FLYWCH2: variants seen among roughly 807,000 people sequenced by gnomAD.
FLYWCH2 encodes the protein FLYWCH family member 2.
Under a neutral mutation model 6.0 loss-of-function variants are expected in FLYWCH2, and 2 were observed. That is an observed-to-expected ratio of 0.33 (90% CI 0.14 to 1.04). The LOEUF is 1.04. Ranked by LOEUF, FLYWCH2 falls within the 50% of genes least tolerant of loss-of-function variation. The probability of loss-of-function intolerance (pLI) is 0.45; values close to 1 mark genes in which losing one functional copy is unlikely to be tolerated. For synonymous variants in FLYWCH2, 87 were observed against 79.3 expected (o/e 1.10, Z -0.52); for missense variants, 192 against 183.4 (o/e 1.05, Z -0.27).
intron 1 of FLYWCH2, among the ~76,000 whole-genome samples, chr16:2,894,288 T>C (rs1477327314): frequency 6.6e-6 from 1 of 152,132 alleles, no homozygotes; most frequent in Non-Finnish European, 1.5e-5. Context: ...CTGGGAGCGC[T>C]GCAGTGGCAG....
intron 1 of FLYWCH2, among the ~76,000 whole-genome samples, chr16:2,886,819 C>A (rs2069704218): frequency 6.6e-6 from 1 of 152,096 alleles, no homozygotes; most frequent in Non-Finnish European, 1.5e-5. Context: ...CCATGCCCAG[C>A]CGCCCATTTT....
chr16:2,884,565 A>AAAAAAAAAAAAAC (rs1555476294), intron 1 of FLYWCH2, among the ~76,000 whole-genome samples: 7 of 144,836 alleles, frequency 4.8e-5, no homozygotes, highest in African/African-American at 7.7e-5. Context: ...TACTAAAAAA[A>AAAAAAAAAAAAAC]AAAAAAAAAA....
chr16:2,885,381 T>G (rs190782208), intron 1 of FLYWCH2, among the ~76,000 whole-genome samples: 3 of 152,138 alleles, frequency 2.0e-5, no homozygotes, highest in Non-Finnish European at 4.4e-5. Context: ...ATCACAAAGT[T>G]GTGCAACCCT....
intron 1 of FLYWCH2, among the ~76,000 whole-genome samples, chr16:2,885,377 A>G (rs1234737585): frequency 6.6e-6 from 1 of 152,174 alleles, no homozygotes; most frequent in Non-Finnish European, 1.5e-5. Flanking sequence ...TGTGATCACA[A>G]AGTTGTGCAA....
intron 1 of FLYWCH2, among the ~76,000 whole-genome samples, chr16:2,892,259 C>G (rs1267679183): frequency 6.6e-6 from 1 of 151,716 alleles, no homozygotes; most frequent in Non-Finnish European, 1.5e-5. Context: ...CTTTGGGAGG[C>G]TGAGGCGGGT....
At chr16:2,887,313 C>CTTTTTTTTTTTTTTTTT (rs71158114) in intron 1 of FLYWCH2, among the ~76,000 whole-genome samples, 1 of 72,538 alleles carries the variant, frequency 1.4e-5, no homozygotes, top group African/African-American at 4.8e-5. Context: ...GCCCGGCTTT[C>CTTTTTTTTTTTTTTTTT]TTTTTTTTTT....
At chr16:2,897,300 C>G (rs962703255) in intron 3 of FLYWCH2, among the ~76,000 whole-genome samples, 1 of 152,164 alleles carries the variant, frequency 6.6e-6, no homozygotes, top group Non-Finnish European at 1.5e-5. Flanking sequence ...CCTGGCTCTC[C>G]GGGACTGCCC....
intron 1 of FLYWCH2, among the ~76,000 whole-genome samples, chr16:2,893,634 C>CTTTTTTTTTTTTT (rs35147234): frequency 8.0e-5 from 9 of 111,908 alleles, no homozygotes; most frequent in East Asian, 2.7e-4. Context: ...TTCTTTTCTT[C>CTTTTTTTTTTTTT]TTTTTTTTTT....
intron 1 of FLYWCH2, among the ~76,000 whole-genome samples, chr16:2,889,499 T>C (rs1294876287): frequency 6.6e-6 from 1 of 151,584 alleles, no homozygotes; most frequent in Non-Finnish European, 1.5e-5. Flanking sequence ...CGTGAGCCAC[T>C]GCGCCCGGCC....
chr16:2,885,118 C>A (rs182055293), intron 1 of FLYWCH2, among the ~76,000 whole-genome samples: 1 of 152,028 alleles, frequency 6.6e-6, no homozygotes, highest in Non-Finnish European at 1.5e-5. Flanking sequence ...GTCAGGAGAT[C>A]GAGACCATCC....
intron 1 of FLYWCH2, among the ~76,000 whole-genome samples, chr16:2,890,440 G>A (rs548568293): frequency 3.1e-4 from 46 of 147,428 alleles, no homozygotes; most frequent in Admixed American, 8.8e-4. Flanking sequence ...TTGAGACAAC[G>A]TTCTGCTCTT....
intron 1 of FLYWCH2, among the ~76,000 whole-genome samples, chr16:2,891,927 C>G (rs1472932133): frequency 1.3e-5 from 2 of 151,926 alleles, no homozygotes; most frequent in African/African-American, 4.8e-5. Flanking sequence ...CACGGTGGCT[C>G]ATGCCTGTAA....
In FLYWCH2 at chr16:2,899,163, C is replaced by T. The variant is rs371986596; in HGVS notation, c.*14C>T. On this transcript the variant is annotated 3_prime_UTR_variant, in exon 4 of 4. Coordinates refer to ENST00000396958, the MANE Select transcript of FLYWCH2 (RefSeq NM_138439.3). ...AAGTCCCTGTAACCTTGACAACAGG[C>T]GCATCCTCCCAGGCCACCAACCCAG... is the stretch of plus-strand genomic sequence containing the variant. 2.6e-5 allele frequency: 41 copies of T among 1,602,784 alleles called. 1 individual carries two copies. In the South Asian group the frequency reaches 3.1e-4, roughly 12 times the overall value.
chr16:2,899,346 C>T lies in FLYWCH2; in HGVS notation c.*197C>T. On this transcript the variant is annotated 3_prime_UTR_variant, in exon 4 of 4. Transcript: ENST00000396958. ...TACTTTCAAACAAGAATAAAAGAAG[C>T]TGTTCGCTAGACCCCATAATGGGCA... The T allele has an allele frequency of 2.0e-6, 1 of 494,098 alleles. No homozygotes were observed. The highest frequency in any genetic ancestry group is 3.5e-6 in the Non-Finnish European group (1 of 283,974). The allele number at this position is 494,098 out of a possible 1,614,324, so 30.6% of individuals were successfully genotyped here.
chr16:2,884,446 G>T (rs942009141), intron 1 of FLYWCH2, among the ~76,000 whole-genome samples: 2 of 150,310 alleles, frequency 1.3e-5, no homozygotes, highest in East Asian at 3.9e-4. Context: ...ACACAGGCCG[G>T]GCGCGGTGGT....
At chr16:2,898,285 C>T (rs541924500) in intron 3 of FLYWCH2, among the ~76,000 whole-genome samples, 1 of 152,172 alleles carries the variant, frequency 6.6e-6, no homozygotes, top group Non-Finnish European at 1.5e-5. Flanking sequence ...CTCTGGGACT[C>T]AGAGGGACCC....
At chr16:2,894,731 A>T (rs1008293836) in intron 1 of FLYWCH2, among the ~76,000 whole-genome samples, 7 of 152,170 alleles carry the variant, frequency 4.6e-5, no homozygotes, top group Admixed American at 2.0e-4. Flanking sequence ...TGGGGGCTTC[A>T]CATCTGCTTT....
At position 2,896,789 on chromosome 16, in the gene FLYWCH2, C is replaced by A. The variant is rs2069826973; in HGVS notation, c.322+18C>A. 1 of 1,600,832 alleles carries A rather than the reference C, an allele frequency of 6.2e-7. No homozygotes were observed. Among genetic ancestry groups the A allele is most frequent in the Non-Finnish European group, 8.5e-7 (1 of 1,177,010 alleles). On this transcript the variant is annotated intron_variant, in intron 3 of 3. Transcript: ENST00000396958. ...GGACCCAGGTGAGGCTCCACAGCGG[C>A]CCCCCAGGACAGCTCGGCACCTCCC... is the stretch of plus-strand genomic sequence containing the variant.
Position 2,898,598 on chromosome 16 carries a change from C to G in FLYWCH2, c.323-451C>G, listed in dbSNP as rs557861406. 6.2e-4 allele frequency among the ~76,000 whole-genome samples: 95 copies of G among 152,328 alleles called. 5 individuals carry two copies. The South Asian group carries it at 0.019, about 31-fold the overall frequency. On this transcript the variant is annotated intron_variant, in intron 3 of 3. Coordinates refer to ENST00000396958, the MANE Select transcript of FLYWCH2 (RefSeq NM_138439.3). The stretch of plus-strand genomic sequence containing the variant: ...GCCCCTTTGAGACTCCTGCTCACTG[C>G]TGGGATCCATCTAGGCCTGGGGCCG...
Sources: allele counts gnomAD v4.1 joint callset (sites outside exome capture counted in the v4.1 genomes callset), GRCh38; gene constraint gnomAD v4.1.1; transcripts MANE v1.5; gene names NCBI Gene and HGNC (gene_info 2026-07-23, HGNC 2026-07-21).